The following ISCU variants were observed in gnomAD, a reference collection of about 807,000 sequenced individuals.
The protein encoded by ISCU is iron-sulfur cluster assembly enzyme ISCU.
In ISCU, 13 loss-of-function variants were observed where a neutral mutation model predicts 18.4. That is an observed-to-expected ratio of 0.71 (90% CI 0.46 to 1.12). The LOEUF (loss-of-function observed/expected upper bound fraction) is 1.12. ISCU is among the 50% of genes most tolerant of loss of function. ISCU has a pLI of 0.00. For missense variants in ISCU, 229 were observed against 208.7 expected (o/e 1.10, Z -0.60); for synonymous variants, 104 against 87.5 (o/e 1.19, Z -1.06).
At chr12:108,561,570 T>C (rs2030566564), upstream of ISCU, among the ~76,000 whole-genome samples, 1 of 152,130 alleles carries the variant, frequency 6.6e-6, no homozygotes, top group Admixed American at 6.5e-5. Flanking sequence ...CCCCAGCAAC[T>C]GCGCCTCAAA....
chr12:108,568,731 C>A lies in ISCU; in HGVS notation c.419-100C>A. On this transcript the variant is annotated intron_variant, in intron 4 of 4. Transcript: ENST00000311893. ...TTCTGGCTTGGTTACTCCATTAGTC[C>A]CCACCAGCACCACTTCCTCCCAGCT... The A allele has an allele frequency of 4.5e-6, 7 of 1,545,882 alleles. 1 individual carries two copies. The South Asian group carries it at 8.4e-5, about 19-fold the overall frequency.
At chr12:108,564,010 A>C (rs750619565) in intron 1 of ISCU, 22 of 1,270,378 alleles carry the variant, frequency 1.7e-5, no homozygotes, top group Non-Finnish European at 2.5e-5. Context: ...TATTTTTGTA[A>C]AAATCCTATG....
At chr12:108,568,772 C>G in intron 4 of ISCU, 59 bp from the exon 5 acceptor site, 1 of 1,570,376 alleles carries the variant, frequency 6.4e-7, no homozygotes, top group Non-Finnish European at 8.6e-7. Context: ...AGATTCTATT[C>G]CCAAGTCCAT....
At position 108,565,516 on chromosome 12, in the gene ISCU, T is replaced by TATATA. The variant is rs2030853774; in HGVS notation, c.339+85_339+86insATATA. 33 of 832,210 alleles carry TATATA rather than the reference T, an allele frequency of 4.0e-5. No individual in the cohort carries two copies. In the South Asian group the frequency reaches 4.6e-4, roughly 12 times the overall value. 51.6% of individuals were successfully genotyped at this position (832,210 alleles called of 1,614,324 possible). A position where few individuals can be genotyped will look rare whatever the true frequency, so the allele number is the denominator to read the frequency against. ...TTCTAAATTTTTAAAATTTCTCCTATGCAGATGTTGATTATATTATCATTT... is the reference window on the plus strand; with the variant it reads ...TTCTAAATTTTTAAAATTTCTCCTATATATAGCAGATGTTGATTATATTATCATTT... On this transcript the variant is annotated intron_variant, in intron 3 of 4. Transcript: ENST00000311893.
upstream of ISCU, chr12:108,562,526 T>C: frequency 1.6e-6 from 1 of 639,508 alleles, no homozygotes; most frequent in Non-Finnish European, 2.4e-6. Context: ...AAAGCTTCGG[T>C]GACGTCAGAG....
In ISCU at chr12:108,567,228, C is replaced by G. The variant is rs777457181; in HGVS notation, c.378C>G (p.Ala126=). 5 of 1,614,094 alleles carry G rather than the reference C, an allele frequency of 3.1e-6. No individual in the cohort carries two copies. Among genetic ancestry groups the G allele is most frequent in the Non-Finnish European group, 1.7e-6 (2 of 1,179,978 alleles). ...EALTIKNTDI[A]KELCLPPVKL... is the part of the protein sequence containing the mutation. Reference sequence around the variant, plus strand: ...TGACTATCAAAAACACAGATATCGCCAAGGAGCTCTGCCTTCCTCCCGTGA... The same window carrying G: ...TGACTATCAAAAACACAGATATCGCGAAGGAGCTCTGCCTTCCTCCCGTGA... The change falls in exon 4 of 5, where the codon GCC becomes GCG. Residue 126 remains alanine, a synonymous_variant. Coordinates refer to ENST00000311893, the MANE Select transcript of ISCU (RefSeq NM_213595.4).
In ISCU at chr12:108,564,314, G is replaced by A. The variant is rs1382032819; in HGVS notation, c.150G>A (p.Gly50=). The A allele has an allele frequency of 1.6e-5, 26 of 1,614,144 alleles. No individual in the cohort carries two copies. Among genetic ancestry groups the A allele is most frequent in the Non-Finnish European group, 2.1e-5 (25 of 1,179,958 alleles). ...ATTATGAAAATCCTAGAAACGTGGGGTCCCTTGACAAGACATCTAAAAATG... is the reference window on the plus strand; with the variant it reads ...ATTATGAAAATCCTAGAAACGTGGGATCCCTTGACAAGACATCTAAAAATG... ...VDHYENPRNV[G]SLDKTSKNVG... The change falls in exon 2 of 5, where the codon GGG becomes GGA. Residue 50 remains glycine, a synonymous_variant. Coordinates refer to ENST00000311893, the MANE Select transcript of ISCU (RefSeq NM_213595.4).
intron 2 of ISCU, chr12:108,565,036 A>C: frequency 4.2e-6 from 2 of 473,718 alleles, no homozygotes; most frequent in South Asian, 5.3e-5. Flanking sequence ...CACAAATAGA[A>C]GTTCATAGCC....
At chr12:108,568,579 CA>C in intron 4 of ISCU, 1 of 1,371,158 alleles carries the variant, frequency 7.3e-7, no homozygotes, top group Non-Finnish European at 9.4e-7. Flanking sequence ...AAAGTAGGGT[CA>C]AAGAGGCTAA....
chr12:108,564,816 C>G (rs913656991), intron 2 of ISCU, among the ~76,000 whole-genome samples: 1 of 152,212 alleles, frequency 6.6e-6, no homozygotes, highest in East Asian at 1.9e-4. Flanking sequence ...TTTGGGTAAA[C>G]TGTAGTTGTA....
chr12:108,562,584 C>T, upstream of ISCU: 1 of 1,209,248 alleles, frequency 8.3e-7, no homozygotes, highest in Non-Finnish European at 1.1e-6. Context: ...CCCCGCCCCT[C>T]GGCGTCGCTC....
rs1217262614 is a variant in ISCU at position 108,565,664 on chromosome 12, C to T, written c.339+233C>T. Among the ~76,000 whole-genome samples, 3 of 152,216 alleles carry T rather than the reference C, an allele frequency of 2.0e-5. No individual in the cohort carries two copies. In the South Asian group the frequency reaches 6.2e-4, roughly 32 times the overall value. Reference sequence around the variant, plus strand: ...ATATAAAAAAGATCCTCACCTGTCCCTCTAACAAAATAGAATTTAAAAGAA... The same window carrying T: ...ATATAAAAAAGATCCTCACCTGTCCTTCTAACAAAATAGAATTTAAAAGAA... On this transcript the variant is annotated intron_variant, in intron 3 of 4. Transcript: ENST00000311893.
chr12:108,564,198 CT>C (rs770028791), intron 1 of ISCU, 80 bp from the exon 2 acceptor site: 4 of 1,561,272 alleles, frequency 2.6e-6, no homozygotes, highest in Non-Finnish European at 3.5e-6. Flanking sequence ...GTTCAAGATG[CT>C]GACCGAGGAG....
intron 1 of ISCU, chr12:108,564,055 T>C: frequency 1.3e-6 from 2 of 1,585,094 alleles, no homozygotes; most frequent in Non-Finnish European, 1.7e-6. Context: ...TTTTTTTTCT[T>C]CTAGGTATCT....
At position 108,565,430 on chromosome 12, in the gene ISCU, C is replaced by T. The variant is rs749241265; in HGVS notation, c.338C>T (p.Thr113Met). Residue 113 changes from threonine to methionine, a missense_variant and splice_region_variant, in exon 3 of 5, where the codon ACG (threonine) becomes ATG (methionine). Transcript: ENST00000311893. ...SLATEWVKGK[T>M]VEEALTIKNT... ...GCCACTGAATGGGTGAAAGGAAAGA[C>T]GGTAAGGTGGCTCACAAATCTAATG... is the stretch of plus-strand genomic sequence containing the variant. 5.0e-6 allele frequency: 8 copies of T among 1,595,950 alleles called. No individual in the cohort carries two copies. The highest frequency in any genetic ancestry group is 6.9e-6 in the Non-Finnish European group (8 of 1,163,396).
rs1336054521 is a variant in ISCU at position 108,567,802 on chromosome 12, G to T, written c.418+534G>T. On this transcript the variant is annotated intron_variant, in intron 4 of 4. Coordinates refer to ENST00000311893, the MANE Select transcript of ISCU (RefSeq NM_213595.4). ...GAACAACTAAGCCCAGTTGTACAAT[G>T]TCCCCCTCCCTGCTATCCTAAAAAA... is the stretch of plus-strand genomic sequence containing the variant. 6 of 1,528,824 alleles carry T rather than the reference G, an allele frequency of 3.9e-6. No individual in the cohort carries two copies. The Middle Eastern group carries it at 5.0e-4, about 128-fold the overall frequency. The allele number at this position is 1,528,824 out of a possible 1,614,324, so 94.7% of individuals were successfully genotyped here.
At chr12:108,565,559 T>C in intron 3 of ISCU, 128 bp downstream of exon 3, 10 of 703,330 alleles carry the variant, frequency 1.4e-5, no homozygotes, top group Non-Finnish European at 2.5e-5. Context: ...TTGGGAATTA[T>C]GGATCATTCT....
intron 4 of ISCU, chr12:108,567,718 G>C (rs955392099): frequency 1.2e-5 from 18 of 1,535,766 alleles, no homozygotes; most frequent in Middle Eastern, 1.7e-4. Flanking sequence ...TGTTTCCTGT[G>C]TATTTCTTCA....
At chr12:108,562,567 A>C (rs1268034221), upstream of ISCU, 4 of 1,040,674 alleles carry the variant, frequency 3.8e-6, no homozygotes, top group Non-Finnish European at 5.1e-6. Flanking sequence ...GCCGACTCGC[A>C]GACGCGCCCC....
Sources: gnomAD v4.1 joint callset for allele counts (sites outside exome capture counted in the v4.1 genomes callset) on GRCh38, gnomAD v4.1.1 for gene constraint, MANE v1.5 for transcripts, NCBI Gene and HGNC (gene_info 2026-07-23, HGNC 2026-07-21) for gene names.